Variants in NCF2 observed in about 807,000 individuals in gnomAD.
The protein encoded by NCF2 is neutrophil cytosolic factor 2, also known as neutrophil cytosol factor 2.
A neutral mutation model predicts 70.9 loss-of-function variants in NCF2; 45 were observed. The ratio of observed to expected loss-of-function variants is 0.63; its 90% CI spans 0.50 to 0.81. NCF2 has a LOEUF of 0.81. NCF2 is among the 40% of genes least tolerant of loss of function. The probability of loss-of-function intolerance (pLI) is 0.00; values close to 1 mark genes in which losing one functional copy is unlikely to be tolerated. For missense variants in NCF2, 522 were observed against 631.6 expected (o/e 0.83, Z 1.86); for synonymous variants, 203 against 233.6 (o/e 0.87, Z 1.19).
chr1:183,593,530 T>C (rs1364040910), upstream of NCF2, among the ~76,000 whole-genome samples: 1 of 152,124 alleles, frequency 6.6e-6, no homozygotes. Context: ...CCTCCTTTCA[T>C]GGTTTCATAT....
Position 183,556,280 on chromosome 1 carries a change from TTACCCTGTCTGG to T in NCF2, c.1469-62_1469-51del, listed in dbSNP as rs772821326. ...GATTTCTAAAACCACTGTAGGAAGA[TTACCCTGTCTGG>T]CTATTCCACACAGAATTTGTTATCT... is the stretch of plus-strand genomic sequence containing the variant. On this transcript the variant is annotated intron_variant, in intron 14 of 14. Coordinates refer to ENST00000367535, the MANE Select transcript of NCF2 (RefSeq NM_000433.4). The T allele has an allele frequency of 1.1e-4, 165 of 1,495,922 alleles. 6 individuals carry two copies. The Middle Eastern group carries it at 9.9e-3, about 89-fold the overall frequency. 92.7% of individuals were successfully genotyped at this position (1,495,922 alleles called of 1,614,324 possible).
chr1:183,590,684 TTC>T (rs1362772182), upstream of NCF2: 4 of 353,270 alleles, frequency 1.1e-5, no homozygotes, highest in African/African-American at 8.5e-5. Context: ...CCAGCTCCTC[TTC>T]TCTCTCCCAC....
chr1:183,589,671 C>T (rs1673548661), intron 1 of NCF2, among the ~76,000 whole-genome samples: 1 of 152,206 alleles, frequency 6.6e-6, no homozygotes, highest in African/African-American at 2.4e-5. Flanking sequence ...TATAATTGAT[C>T]AGAATTGTCA....
At chr1:183,585,090 T>C (rs1673282311) in intron 2 of NCF2, among the ~76,000 whole-genome samples, 1 of 152,196 alleles carries the variant, frequency 6.6e-6, no homozygotes, top group Non-Finnish European at 1.5e-5. Flanking sequence ...TAACTGCATC[T>C]ACATCTTTAA....
chr1:183,561,630 T>A (rs957728907), intron 13 of NCF2, among the ~76,000 whole-genome samples: 4 of 144,032 alleles, frequency 2.8e-5, no homozygotes, highest in Admixed American at 2.1e-4. Context: ...TATTTTTCTT[T>A]CTTTTCTTTT....
intron 3 of NCF2, among the ~76,000 whole-genome samples, chr1:183,577,391 C>T (rs750954204): frequency 1.3e-5 from 2 of 152,166 alleles, no homozygotes; most frequent in African/African-American, 2.4e-5. Flanking sequence ...AAATGTATGC[C>T]CCCAGGTAAC....
At chr1:183,599,430 CTTTCTTTCTTTCT>C in the NCF2 span, among the ~76,000 whole-genome samples, 1 of 85,558 alleles carries the variant, frequency 1.2e-5, no homozygotes, top group African/African-American at 4.1e-5. Flanking sequence ...TTCCTTCTTT[CTTTCTTTCTTTCT>C]TTCTTTCTTT....
At chr1:183,562,684 T>C (rs1003441470) in intron 13 of NCF2, among the ~76,000 whole-genome samples, 24 of 151,946 alleles carry the variant, frequency 1.6e-4, no homozygotes, top group African/African-American at 5.6e-4. Context: ...AATACAAAAA[T>C]TAGCTGGGTG....
chr1:183,582,244 T>G (rs1342403589), intron 2 of NCF2, among the ~76,000 whole-genome samples: 1 of 152,250 alleles, frequency 6.6e-6, no homozygotes, highest in East Asian at 1.9e-4. Flanking sequence ...GTTCTCTTCG[T>G]GGCCATTTGG....
chr1:183,576,123 G>A (rs188623417), intron 3 of NCF2, among the ~76,000 whole-genome samples: 120 of 152,282 alleles, frequency 7.9e-4, no homozygotes, highest in African/African-American at 2.9e-3. Context: ...ATAATGATGT[G>A]ATTCTCAGAA....
intron 14 of NCF2, among the ~76,000 whole-genome samples, chr1:183,557,567 C>G (rs1268144175): frequency 6.6e-6 from 1 of 152,150 alleles, no homozygotes; most frequent in East Asian, 1.9e-4. Context: ...ATTGAACTCC[C>G]CTCTGTCCTA....
upstream of NCF2, among the ~76,000 whole-genome samples, chr1:183,594,116 T>C (rs552463649): frequency 1.3e-5 from 2 of 152,220 alleles, no homozygotes; most frequent in African/African-American, 4.8e-5. Context: ...TGTTGCATTA[T>C]CTGTTTTCTG....
chr1:183,589,631 C>T (rs1364966761), intron 1 of NCF2, among the ~76,000 whole-genome samples: 5 of 152,230 alleles, frequency 3.3e-5, no homozygotes, highest in Non-Finnish European at 1.5e-5. Flanking sequence ...TTCCTCTTGC[C>T]AGCCTCAGCA....
chr1:183,563,333 C>T, intron 12 of NCF2, 27 bp from the exon 13 acceptor site: 1 of 1,613,760 alleles, frequency 6.2e-7, no homozygotes, highest in South Asian at 1.1e-5. Flanking sequence ...AGTAAGAATC[C>T]AGTCAAAGAA....
chr1:183,577,889 A>G (rs1318172031), intron 2 of NCF2, among the ~76,000 whole-genome samples, 182 bp from the exon 3 acceptor site: 1 of 152,158 alleles, frequency 6.6e-6, no homozygotes, highest in African/African-American at 2.4e-5. Context: ...ACTCCTTGGG[A>G]ATGGTGTTCC....
the NCF2 span, among the ~76,000 whole-genome samples, chr1:183,599,400 C>CT: frequency 7.8e-6 from 1 of 128,506 alleles, no homozygotes; most frequent in Admixed American, 7.5e-5. Context: ...AACCAAACCT[C>CT]TTTTTCTTTC....
At chr1:183,567,556 G>T (rs901387098) in intron 7 of NCF2, 3 of 714,562 alleles carry the variant, frequency 4.2e-6, no homozygotes, top group Non-Finnish European at 7.6e-6. Context: ...ATATGCAGAG[G>T]GGCAAGAATA....
At chr1:183,556,251 C>T (rs1671775965) in intron 14 of NCF2, 21 bp from the exon 15 acceptor site, 1 of 1,602,458 alleles carries the variant, frequency 6.2e-7, no homozygotes, top group Non-Finnish European at 8.6e-7. Context: ...GAAAAGTACA[C>T]ATGGATTTCT....
Position 183,559,092 on chromosome 1 carries a change from T to C in NCF2, c.1468+1004A>G, listed in dbSNP as rs79017889. 3.8e-3 allele frequency among the ~76,000 whole-genome samples: 585 copies of C among 152,270 alleles called. 2 individuals are homozygous for C. Among genetic ancestry groups the C allele is most frequent in the African/African-American group, 0.014 (563 of 41,538 alleles). ...CAGTAGACCAGCATCACCTGGAAAC[T>C]TGGTAGAAATGCAAGTTGGTGGGCC... On this transcript the variant is annotated intron_variant, in intron 14 of 14. Transcript: ENST00000367535.
Sources: gnomAD v4.1 joint callset for allele counts (sites outside exome capture counted in the v4.1 genomes callset) on GRCh38, gnomAD v4.1.1 for gene constraint, MANE v1.5 for transcripts, NCBI Gene and HGNC (gene_info 2026-07-23, HGNC 2026-07-21) for gene names.